TFIP11: variants seen among roughly 807,000 people sequenced by gnomAD.
The protein encoded by TFIP11 is tuftelin interacting protein 11.
In TFIP11, 86 loss-of-function variants were observed where a neutral mutation model predicts 96.8. The observed-to-expected ratio is 0.89, with a 90% CI of 0.75 to 1.06. TFIP11 has a LOEUF of 1.06. TFIP11 is among the 50% of genes least tolerant of loss of function. The pLI is 0.00. For synonymous variants in TFIP11, 405 were observed against 395.2 expected (o/e 1.02, Z -0.29); for missense variants, 881 against 1,076.7 (o/e 0.82, Z 2.54).
rs745501328 is a variant in TFIP11, at chr22:26,496,859, A to T, written c.1467T>A (p.Val489=). The change falls in exon 11 of 15, where the codon GTT becomes GTA. Residue 489 remains valine (V), a synonymous_variant. Coordinates refer to ENST00000407690, the MANE Select transcript of TFIP11 (RefSeq NM_012143.4). ...RLIWEVWMPF[V]RNIVTQWQPR... The stretch of plus-strand genomic sequence containing the variant: ...GCTGCCACTGGGTGACAATATTTCG[A>T]ACAAAAGGCATCCAGACTTCCCATA... The T allele has an allele frequency of 6.2e-7, 1 of 1,614,160 alleles. No homozygotes were observed. Among genetic ancestry groups the T allele is most frequent in the Non-Finnish European group, 8.5e-7 (1 of 1,180,042 alleles).
intron 6 of TFIP11, among the ~76,000 whole-genome samples, chr22:26,505,701 TA>T (rs1923317236): frequency 5.4e-4 from 1 of 1,844 alleles, no homozygotes; most frequent in Non-Finnish European, 2.4e-3. Flanking sequence ...TTATTCTATT[TA>T]TTTATTTATT....
Position 26,491,469 on chromosome 22 carries a change from A to G in TFIP11, c.*544T>C. On this transcript the variant is annotated 3_prime_UTR_variant, in exon 15 of 15. Transcript: ENST00000407690. ...CTTGAATTTTTCTGCTCAGATTTTAAAAGGACTGGAGGAGCTTGAGTTTCC... is the reference window on the plus strand; with the variant it reads ...CTTGAATTTTTCTGCTCAGATTTTAGAAGGACTGGAGGAGCTTGAGTTTCC... 1 of 1,610,226 alleles carries G rather than the reference A, an allele frequency of 6.2e-7. No homozygotes were observed. The highest frequency in any genetic ancestry group is 8.5e-7 in the Non-Finnish European group (1 of 1,178,896).
chr22:26,495,436 C>A (rs1165928307), intron 12 of TFIP11, among the ~76,000 whole-genome samples: 1 of 151,708 alleles, frequency 6.6e-6, no homozygotes, highest in African/African-American at 2.4e-5. Flanking sequence ...CGCCACCACA[C>A]CTGGCTGGTT....
At chr22:26,494,638 A>G (rs1343368128) in intron 13 of TFIP11, 159 bp downstream of exon 13, 15 of 1,056,044 alleles carry the variant, frequency 1.4e-5, no homozygotes, top group South Asian at 1.6e-5. Flanking sequence ...CAAATGTCCA[A>G]TAAATGGTGC....
chr22:26,494,168 A>G lies in TFIP11; in HGVS notation c.2129T>C (p.Ile710Thr). The change falls in exon 14 of 15, where the codon ATC becomes ACC. Residue 710 changes from isoleucine to threonine, a missense_variant. By Grantham distance (89) the Ile-to-Thr change is moderately conservative (BLOSUM62 -1). Transcript: ENST00000407690. ...VKDKFNEALD[I>T]MNRAVSSNVG... Reference sequence around the variant, plus strand: ...GTTGGAGGACACCGCCCGGTTCATGATATCAAGTGCCTCATTAAATTTGTC... The same window carrying G: ...GTTGGAGGACACCGCCCGGTTCATGGTATCAAGTGCCTCATTAAATTTGTC... The G allele has an allele frequency of 1.2e-6, 2 of 1,614,240 alleles. No individual in the cohort carries two copies. Among genetic ancestry groups the G allele is most frequent in the Non-Finnish European group, 1.7e-6 (2 of 1,180,034 alleles).
In TFIP11 at chr22:26,510,071, C is replaced by G; in HGVS notation, c.202G>C (p.Gly68Arg). 6.2e-7 allele frequency: 1 copy of G among 1,613,396 alleles called. No homozygotes were observed. Among genetic ancestry groups the G allele is most frequent in the Non-Finnish European group, 8.5e-7 (1 of 1,180,032 alleles). ...DSDDERPSFGGKRARDYSAPV... is the reference protein window; with the variant it reads ...DSDDERPSFGRKRARDYSAPV... ...CCCCATGCCAGGCAATACCGTTTGC[C>G]TCCAAAGCTGGGCCTCTCATCATCC... The change falls in exon 4 of 15, where the codon GGC (glycine) becomes CGC (arginine). Residue 68 changes from glycine to arginine, a missense_variant. By Grantham distance (125) the Gly-to-Arg change is moderately radical. Coordinates refer to ENST00000407690, the MANE Select transcript of TFIP11 (RefSeq NM_012143.4).
rs181504051 is a variant in TFIP11, at chr22:26,497,582, G to A, written c.1437-693C>T. Among the ~76,000 whole-genome samples, 705 of 152,326 alleles carry A rather than the reference G, an allele frequency of 4.6e-3. 6 individuals are homozygous for A. Among genetic ancestry groups the A allele is most frequent in the Middle Eastern group, 6.8e-3 (2 of 294 alleles). ...TCCCACTACTGGGTATCTACCCAGA[G>A]GAAAAGAAGTCATGGCTGGGCACGG... On this transcript the variant is annotated intron_variant, in intron 10 of 14. Transcript: ENST00000407690.
intron 8 of TFIP11, among the ~76,000 whole-genome samples, chr22:26,501,188 G>A (rs192183983): frequency 1.3e-5 from 2 of 152,048 alleles, no homozygotes; most frequent in East Asian, 3.9e-4. Context: ...GCCAAGTAAT[G>A]GAAAACTTAA....
chr22:26,506,086 T>TA (rs1923372562), intron 6 of TFIP11: 2 of 452,966 alleles, frequency 4.4e-6, no homozygotes, highest in Non-Finnish European at 7.6e-6. Context: ...CAGCCTGTTT[T>TA]AGACCCTAAC....
In TFIP11 at chr22:26,494,132, CACTT is replaced by C. The variant is rs1921609264; in HGVS notation, c.2158+3_2158+6del. 2.5e-6 allele frequency: 4 copies of C among 1,612,432 alleles called. No individual in the cohort carries two copies. The highest frequency in any genetic ancestry group is 1.7e-5 in the Admixed American group (1 of 59,980). On this transcript the variant is annotated splice_donor_5th_base_variant and intron_variant, in intron 14 of 14. Transcript: ENST00000407690. Reference sequence around the variant, plus strand: ...CCAGGACATCCAAAATGGGAATCCTCACTTACCAACGTTGGAGGACACCGCCCGG... The same window carrying C: ...CCAGGACATCCAAAATGGGAATCCTCACCAACGTTGGAGGACACCGCCCGG...
Position 26,496,619 on chromosome 22 carries a change from G to A in TFIP11, c.1605+102C>T, listed in dbSNP as rs537056967. The A allele has an allele frequency of 4.9e-5, 70 of 1,418,148 alleles. No individual in the cohort carries two copies. In the East Asian group the frequency reaches 5.7e-4, roughly 12 times the overall value. 87.8% of individuals were successfully genotyped at this position (1,418,148 alleles called of 1,614,324 possible). ...GTCAATAGTTGTGTTGACAAATTCC[G>A]TTAATTCCAGGCGTTTTAACAGCAC... On this transcript the variant is annotated intron_variant, in intron 11 of 14. Transcript: ENST00000407690.
Position 26,499,586 on chromosome 22 carries a change from T to C in TFIP11, c.847A>G (p.Ser283Gly), listed in dbSNP as rs986918981. Residue 283 changes from serine to glycine, a missense_variant, in exon 9 of 15, where the codon AGT (serine) becomes GGT (glycine). Transcript: ENST00000407690. ...ACGTTGTGCTTGTGGCTGATCTGAC[T>C]GTAGCTGTAGTAGACCTTCTGCTCC... ...GREQKVYYSY[S>G]QISHKHNVPD... 6.2e-7 allele frequency: 1 copy of C among 1,614,058 alleles called. No individual in the cohort carries two copies. The highest frequency in any genetic ancestry group is 8.5e-7 in the Non-Finnish European group (1 of 1,180,026).
rs758342275 is a variant in TFIP11, at chr22:26,492,017, T to C, written c.2510A>G (p.Lys837Arg). The C allele has an allele frequency of 2.5e-5, 40 of 1,592,660 alleles. No individual in the cohort carries two copies. Among genetic ancestry groups the C allele is most frequent in the Non-Finnish European group, 3.1e-5 (36 of 1,169,542 alleles). Residue 837 changes from lysine (K) to arginine (R), a missense_variant, in exon 15 of 15, where the codon AAG becomes AGG. Lys to Arg is a conservative substitution (Grantham distance 26). Transcript: ENST00000407690. ...TSLQSLIDMA[K>R] ...TGGTTCTGGACCTGCCACAGTTCAC[T>C]TGGCCATGTCGATCAGGCTCTGCAG...
chr22:26,499,516 G>C lies in TFIP11; in HGVS notation c.917C>G (p.Ser306Cys). The C allele has an allele frequency of 6.2e-7, 1 of 1,614,228 alleles. No individual in the cohort carries two copies. The highest frequency in any genetic ancestry group is 1.1e-5 in the South Asian group (1 of 91,088). ...LPLQSQQLPQSGKEAKAPGFA... is the reference protein window; with the variant it reads ...LPLQSQQLPQCGKEAKAPGFA... ...GCCGGGGGCCTTGGCCTCTTTGCCA[G>C]ACTGTGGCAGCTGTTGGGACTGTAG... The change falls in exon 9 of 15, where the codon TCT becomes TGT. Residue 306 changes from serine (S) to cysteine (C), a missense_variant. Coordinates refer to ENST00000407690, the MANE Select transcript of TFIP11 (RefSeq NM_012143.4).
chr22:26,503,877 G>C, intron 6 of TFIP11, 84 bp from the exon 7 acceptor site: 1 of 1,547,850 alleles, frequency 6.5e-7, no homozygotes, highest in African/African-American at 1.4e-5. Context: ...TGAAATGACA[G>C]TTTCTTGCTC....
chr22:26,507,048 TA>T (rs1923509094), intron 4 of TFIP11, 120 bp from the exon 5 acceptor site: 3 of 1,213,822 alleles, frequency 2.5e-6, no homozygotes, highest in African/African-American at 1.5e-5. Flanking sequence ...GGAGGTTTTT[TA>T]AAAAAGTAAC....
chr22:26,506,171 G>A (rs1923380551), intron 6 of TFIP11, 132 bp downstream of exon 6: 1 of 952,982 alleles, frequency 1.0e-6, no homozygotes, highest in African/African-American at 1.7e-5. Flanking sequence ...GAACGCAAAT[G>A]TCTTGTGCTG....
At chr22:26,501,785 CAAAAAAA>C (rs371327421) in intron 8 of TFIP11, 108 bp downstream of exon 8, 68 of 261,494 alleles carry the variant, frequency 2.6e-4, no homozygotes, top group Middle Eastern at 1.3e-3. Flanking sequence ...AGCAAGGTAC[CAAAAAAA>C]AAAAAAAAAA....
At position 26,491,645 on chromosome 22, in the gene TFIP11, G is replaced by C; in HGVS notation, c.*368C>G. The stretch of plus-strand genomic sequence containing the variant: ...AGGACCTTGAAATCATCAGGAACAA[G>C]AGAGAAGATCCTTCTGCTACTGACT... On this transcript the variant is annotated 3_prime_UTR_variant, in exon 15 of 15. Coordinates refer to ENST00000407690, the MANE Select transcript of TFIP11 (RefSeq NM_012143.4). 1 of 1,612,796 alleles carries C rather than the reference G, an allele frequency of 6.2e-7. No individual in the cohort carries two copies. The highest frequency in any genetic ancestry group is 8.5e-7 in the Non-Finnish European group (1 of 1,180,028).
Sources: gnomAD v4.1 joint callset for allele counts (sites outside exome capture counted in the v4.1 genomes callset) on GRCh38, gnomAD v4.1.1 for gene constraint, MANE v1.5 for transcripts, NCBI Gene and HGNC (gene_info 2026-07-23, HGNC 2026-07-21) for gene names.